Variants in GPR107 observed in about 807,000 individuals in gnomAD.
The protein encoded by GPR107 is protein GPR107.
In GPR107, 31 loss-of-function variants were observed where a neutral mutation model predicts 75.5. That is an observed-to-expected ratio of 0.41 (90% CI 0.31 to 0.55). The LOEUF (loss-of-function observed/expected upper bound fraction) is 0.55. GPR107 is among the 20% of genes least tolerant of loss of function. The pLI, the probability that GPR107 is intolerant of heterozygous loss-of-function variation, is 0.26. For synonymous variants in GPR107, 267 were observed against 251.3 expected (o/e 1.06, Z -0.59); for missense variants, 572 against 665.7 (o/e 0.86, Z 1.55).
At chr9:130,068,344 G>A (rs945250546) in intron 1 of GPR107, among the ~76,000 whole-genome samples, 1 of 150,444 alleles carries the variant, frequency 6.6e-6, no homozygotes, top group Non-Finnish European at 1.5e-5. Context: ...GGATCTTGTG[G>A]CTTTTTTTTT....
Position 130,131,671 on chromosome 9 carries a change from C to A in GPR107, c.1562+2910C>A, listed in dbSNP as rs140858375. On this transcript the variant is annotated intron_variant, in intron 17 of 17. Coordinates refer to ENST00000347136, the MANE Select transcript of GPR107 (RefSeq NM_020960.5). ...TGCATCACACCAAGCTCGCCCCTCC[C>A]CATTGTTCCCTATAGGCCTTGGTGA... Among the ~76,000 whole-genome samples the A allele has an allele frequency of 8.8e-3, 1,341 of 152,218 alleles. 6 individuals carry two copies. The highest frequency in any genetic ancestry group is 0.017 in the Middle Eastern group (5 of 294).
chr9:130,055,892 A>G (rs1829775733), intron 1 of GPR107, among the ~76,000 whole-genome samples: 1 of 152,060 alleles, frequency 6.6e-6, no homozygotes. Context: ...TGCAGTGAGC[A>G]GAGATCATTG....
chr9:130,109,991 G>T (rs1357163924), intron 14 of GPR107, among the ~76,000 whole-genome samples: 2 of 152,144 alleles, frequency 1.3e-5, no homozygotes, highest in Non-Finnish European at 2.9e-5. Flanking sequence ...TCCCAAGGGC[G>T]GTGCTTTTTG....
At chr9:130,085,931 A>G (rs1339318609) in intron 6 of GPR107, among the ~76,000 whole-genome samples, 1 of 151,608 alleles carries the variant, frequency 6.6e-6, no homozygotes, top group Non-Finnish European at 1.5e-5. Context: ...TTGTATTTTT[A>G]GTAGAGATGG....
intron 7 of GPR107, among the ~76,000 whole-genome samples, chr9:130,089,167 C>T (rs1683721370): frequency 1.3e-5 from 2 of 150,654 alleles, no homozygotes; most frequent in African/African-American, 2.4e-5. Context: ...GAGACTCCAT[C>T]TCAAAAAAAA....
chr9:130,078,615 T>A (rs530330), intron 4 of GPR107, among the ~76,000 whole-genome samples: 1,827 of 152,278 alleles, frequency 0.012, 24 homozygotes, highest in Middle Eastern at 0.054. Context: ...CTGCGGTGGC[T>A]TGCTGATGTT....
rs1370308584 is a variant in GPR107 at position 130,104,498 on chromosome 9, C to A, written c.1210C>A (p.Leu404Ile). The A allele has an allele frequency of 1.2e-6, 2 of 1,613,584 alleles. No individual in the cohort carries two copies. The highest frequency in any genetic ancestry group is 2.2e-5 in the East Asian group (1 of 44,888). Residue 404 changes from leucine (L) to isoleucine (I), a missense_variant, in exon 13 of 18, where the codon CTA becomes ATA. Leu to Ile is a conservative substitution (Grantham distance 5, BLOSUM62 2). Transcript: ENST00000347136. ...TGAATATGGCTTGTGGAAGGACTCT[C>A]TATTTCTGGTCGACCTGTTGTGTTG... ...TTEYGLWKDS[L>I]FLVDLLCCGA...
At position 130,090,944 on chromosome 9, in the gene GPR107, A is replaced by G. The variant is rs750629162; in HGVS notation, c.690A>G (p.Gly230=). ...LYSLYFHKCL[G]KELPSDKFTF... is the part of the protein sequence containing the mutation. ...GTCTTTATTTTCATAAATGCCTTGGAAAAGAATTGCCAAGTGACAAGTTTA... is the reference window on the plus strand; with the variant it reads ...GTCTTTATTTTCATAAATGCCTTGGGAAAGAATTGCCAAGTGACAAGTTTA... The change falls in exon 8 of 18, where the codon GGA becomes GGG. Residue 230 remains glycine, a synonymous_variant. Coordinates refer to ENST00000347136, the MANE Select transcript of GPR107 (RefSeq NM_020960.5). 3.2e-6 allele frequency: 5 copies of G among 1,543,878 alleles called. No homozygotes were observed. Among genetic ancestry groups the G allele is most frequent in the Admixed American group, 1.7e-5 (1 of 59,726 alleles).
intron 6 of GPR107, 92 bp from the exon 7 acceptor site, chr9:130,086,328 A>C (rs1040136683): frequency 1.3e-5 from 10 of 744,624 alleles, no homozygotes; most frequent in Non-Finnish European, 2.4e-5. Flanking sequence ...TTAGAGTTTA[A>C]GAAACATGTT....
chr9:130,114,029 C>CTTTTTTTTTTTTTTTTTTTCTTTTTTTT (rs1831363827), intron 14 of GPR107, among the ~76,000 whole-genome samples: 1 of 90,660 alleles, frequency 1.1e-5, no homozygotes, highest in Admixed American at 1.4e-4. Flanking sequence ...TCTTCTCATT[C>CTTTTTTTTTTTTTTTTTTTCTTTTTTTT]TTTTTTTTTT....
Position 130,063,810 on chromosome 9 carries a change from C to CTT in GPR107, c.141+9752_141+9753dup, listed in dbSNP as rs1317543145. On this transcript the variant is annotated intron_variant, in intron 1 of 17. Transcript: ENST00000347136. ...GATTTTTTTCTTCATGGAGTTTATT[C>CTT]TTTTTTTTTTTTTTTTGAGGGTCAT... is the stretch of plus-strand genomic sequence containing the variant. Among the ~76,000 whole-genome samples the CTT allele has an allele frequency of 5.3e-3, 692 of 130,144 alleles. 9 individuals are homozygous for CTT. The highest frequency in any genetic ancestry group is 8.2e-3 in the Non-Finnish European group (499 of 60,684). 85.4% of individuals were successfully genotyped at this position (130,144 alleles called of 152,430 possible). A position where few individuals can be genotyped will look rare whatever the true frequency, so the allele number is the denominator to read the frequency against.
In GPR107 at chr9:130,139,669, C is replaced by T. The variant is rs41279182; in HGVS notation, c.*4548C>T. ...GGTGGGACGGCGTTCTGGGCAGAGT[C>T]AGAATGGTCAGAATGAAACAGAACA... On this transcript the variant is annotated 3_prime_UTR_variant, in exon 18 of 18. Transcript: ENST00000347136. 2,021 of 152,214 alleles carry T rather than the reference C, an allele frequency of 0.013. 24 individuals are homozygous for T. Among genetic ancestry groups the T allele is most frequent in the Admixed American group, 0.021 (320 of 15,278 alleles). The allele number at this position is 152,214 out of a possible 1,614,324, so 9.4% of individuals were successfully genotyped here.
intron 14 of GPR107, among the ~76,000 whole-genome samples, chr9:130,113,635 A>T (rs1367191622): frequency 6.6e-6 from 1 of 152,338 alleles, no homozygotes; most frequent in East Asian, 1.9e-4. Flanking sequence ...TGGGAGATCT[A>T]CATAACACAC....
In GPR107 at chr9:130,104,617, C is replaced by T. The variant is rs944580542; in HGVS notation, c.1262+67C>T. On this transcript the variant is annotated intron_variant, in intron 13 of 17. Transcript: ENST00000347136. The stretch of plus-strand genomic sequence containing the variant: ...TGTCAAGCCCAATAGCTGAACTGGC[C>T]ATTCCCAAACTGATCTCAGTCACAT... 35 of 1,342,568 alleles carry T rather than the reference C, an allele frequency of 2.6e-5. No individual in the cohort carries two copies. In the African/African-American group the frequency reaches 4.1e-4, roughly 16 times the overall value. 83.2% of individuals were successfully genotyped at this position (1,342,568 alleles called of 1,614,324 possible).
At chr9:130,104,291 G>A in intron 12 of GPR107, 129 bp from the exon 13 acceptor site, 1 of 721,928 alleles carries the variant, frequency 1.4e-6, no homozygotes, top group South Asian at 1.7e-5. Flanking sequence ...AGAGCACGTG[G>A]GACTGGAAAG....
intron 1 of GPR107, among the ~76,000 whole-genome samples, chr9:130,064,194 T>C (rs1388837531): frequency 1.7e-5 from 1 of 58,970 alleles, no homozygotes; most frequent in South Asian, 7.5e-4. Flanking sequence ...TCTTTTTTTT[T>C]TTTTTTTTTT....
chr9:130,058,219 T>A (rs1454657475), intron 1 of GPR107, among the ~76,000 whole-genome samples: 1 of 152,206 alleles, frequency 6.6e-6, no homozygotes, highest in South Asian at 2.1e-4. Context: ...ATAATTTACA[T>A]ACCATAAGAT....
chr9:130,077,453 C>A, intron 4 of GPR107, 75 bp downstream of exon 4: 1 of 801,420 alleles, frequency 1.2e-6, no homozygotes. Context: ...GCTAACATTC[C>A]TTGGGTGTCT....
At chr9:130,087,343 T>C (rs1193622437) in intron 7 of GPR107, among the ~76,000 whole-genome samples, 2 of 152,130 alleles carry the variant, frequency 1.3e-5, no homozygotes, top group African/African-American at 4.8e-5. Context: ...TGGTCTCACT[T>C]ACTTTCTGAA....
Sources: gnomAD v4.1 joint callset for allele counts (sites outside exome capture counted in the v4.1 genomes callset) on GRCh38, gnomAD v4.1.1 for gene constraint, MANE v1.5 for transcripts, NCBI Gene and HGNC (gene_info 2026-07-23, HGNC 2026-07-21) for gene names.